The following ZNF91 variants were observed in gnomAD, a reference collection of about 807,000 sequenced individuals.
The protein encoded by ZNF91 is zinc finger protein 91.
Under a neutral mutation model 12.6 loss-of-function variants are expected in ZNF91, and 7 were observed. That is an observed-to-expected ratio of 0.55 (90% CI 0.31 to 1.04). ZNF91 has a LOEUF of 1.04. Ranked by LOEUF, ZNF91 falls within the 50% of genes least tolerant of loss-of-function variation. The pLI is 0.05. For synonymous variants in ZNF91, 453 were observed against 462.6 expected, an observed-to-expected ratio of 0.98 and a Z score of 0.27; for missense variants, 1,217 against 1,385.4, an observed-to-expected ratio of 0.88 and a Z score of 1.93.
chr19:23,361,525 G>A lies in ZNF91; in HGVS notation c.1454C>T (p.Thr485Ile), dbSNP rs2145058237. ...STLTRHKRIH[T>I]GEKPYKCEEC... Reference sequence around the variant, plus strand: ...TTCACATTTGTAGGGCTTCTCTCCAGTGTGTATCCTCTTATGTCTAGTTAG... The same window carrying A: ...TTCACATTTGTAGGGCTTCTCTCCAATGTGTATCCTCTTATGTCTAGTTAG... Residue 485 changes from threonine (T) to isoleucine (I), a missense_variant, in exon 4 of 4, where the codon ACT becomes ATT. Thr to Ile is a moderately conservative substitution (Grantham distance 89). This residue lies in a region of ZNF91 where 726 missense variants were observed against 895.5 expected (regional missense o/e 0.81). Transcript: ENST00000300619. The A allele has an allele frequency of 5.6e-6, 9 of 1,613,800 alleles. No homozygotes were observed. Among genetic ancestry groups the A allele is most frequent in the South Asian group, 1.1e-5 (1 of 91,066 alleles).
At chr19:23,305,548 C>G (rs530789846) in intron 3 of ZNF91, among the ~76,000 whole-genome samples, 22 of 152,326 alleles carry the variant, frequency 1.4e-4, no homozygotes, top group Middle Eastern at 3.4e-3. Context: ...TAACTCAAAT[C>G]AGGTCATTAC....
chr19:23,355,598 T>A (rs1379656836), downstream of ZNF91, among the ~76,000 whole-genome samples: 1 of 151,954 alleles, frequency 6.6e-6, no homozygotes, highest in Non-Finnish European at 1.5e-5. Context: ...CAAAGATAAA[T>A]AGCTGGGACC....
chr19:23,360,806 G>A lies in ZNF91; in HGVS notation c.2173C>T (p.Arg725Ter). Residue 725 changes from arginine to a stop codon, truncating the protein, a stop_gained, in exon 4 of 4, where the codon CGA becomes TGA. Transcript: ENST00000300619. LOFTEE classifies it low-confidence loss of function (END_TRUNC). Reference sequence around the variant, plus strand: ...TTATGTATAGTAAGATTTGAAGATCGATTAAAAGCTTTGCCACATTCTTCA... The same window carrying A: ...TTATGTATAGTAAGATTTGAAGATCAATTAAAAGCTTTGCCACATTCTTCA... Reference protein sequence around the residue: ...KCEECGKAFNRSSNLTIHKFI... With the variant: ...KCEECGKAFN 1.9e-6 allele frequency: 3 copies of A among 1,612,590 alleles called. No individual in the cohort carries two copies. The highest frequency in any genetic ancestry group is 1.1e-5 in the South Asian group (1 of 90,998).
intron 1 of ZNF91, among the ~76,000 whole-genome samples, chr19:23,321,823 T>C (rs1419183054): frequency 2.0e-5 from 3 of 151,836 alleles, no homozygotes; most frequent in African/African-American, 7.3e-5. Flanking sequence ...GTGATGTAAC[T>C]CTCCTCACCC....
chr19:23,369,163 AC>A (rs1014561352), intron 3 of ZNF91, among the ~76,000 whole-genome samples: 1 of 152,094 alleles, frequency 6.6e-6, no homozygotes, highest in African/African-American at 2.4e-5. Flanking sequence ...TACAAAAATT[AC>A]CCAGGTGTGG....
intron 3 of ZNF91, among the ~76,000 whole-genome samples, chr19:23,366,175 G>A (rs903211910): frequency 2.6e-5 from 4 of 152,108 alleles, no homozygotes; most frequent in Admixed American, 1.3e-4. Context: ...CTCCCGGATG[G>A]GGTGGCTGGC....
At chr19:23,324,781 A>G (rs1407623186) in intron 1 of ZNF91, 1 of 152,010 alleles carries the variant, frequency 6.6e-6, no homozygotes, top group East Asian at 1.9e-4. Flanking sequence ...CACGTTGCCT[A>G]GTCTGGTCTG....
At position 23,369,493 on chromosome 19, in the gene ZNF91, C is replaced by T. The variant is rs569722478; in HGVS notation, c.253+4249G>A. On this transcript the variant is annotated intron_variant, in intron 3 of 3. Transcript: ENST00000300619. ...GAGCCCCTCTGCCCGGCCACCACCC[C>T]GTCTGGGAGGTGTAACCAACAGCTC... Among the ~76,000 whole-genome samples the T allele has an allele frequency of 1.5e-4, 23 of 152,144 alleles. No individual in the cohort carries two copies. The East Asian group carries it at 3.3e-3, about 22-fold the overall frequency.
chr19:23,350,826 C>CTTTTTTTTTTTTT (rs1968345618), intron 3 of ZNF91, among the ~76,000 whole-genome samples: 1 of 152,082 alleles, frequency 6.6e-6, no homozygotes, highest in African/African-American at 2.4e-5. Flanking sequence ...GGGACACTTC[C>CTTTTTTTTTTTTT]TTTTTACAGA....
At chr19:23,373,194 C>A (rs1467631021) in intron 3 of ZNF91, among the ~76,000 whole-genome samples, 2 of 151,888 alleles carry the variant, frequency 1.3e-5, no homozygotes, top group African/African-American at 4.8e-5. Flanking sequence ...TTTACAGTCA[C>A]CGATGCAAAA....
intron 3 of ZNF91, chr19:23,307,153 G>T (rs1967409497): frequency 6.6e-6 from 1 of 152,148 alleles, no homozygotes. Context: ...TCAACACAAA[G>T]ATTATGTTAC....
chr19:23,319,823 T>C (rs1255879995), intron 1 of ZNF91, among the ~76,000 whole-genome samples: 2 of 152,180 alleles, frequency 1.3e-5, no homozygotes, highest in East Asian at 3.9e-4. Context: ...GACATATATC[T>C]TGGCCCAGCT....
chr19:23,383,769 A>G (rs761051213), intron 1 of ZNF91, among the ~76,000 whole-genome samples: 85 of 152,138 alleles, frequency 5.6e-4, no homozygotes, highest in Admixed American at 1.4e-3. Flanking sequence ...ACTACTATTC[A>G]ACATAAAATT....
At chr19:23,315,868 G>A (rs143141232) in intron 1 of ZNF91, among the ~76,000 whole-genome samples, 98 of 152,236 alleles carry the variant, frequency 6.4e-4, no homozygotes, top group African/African-American at 2.3e-3. Context: ...CCTAAGTAAT[G>A]TGACTCTTCT....
At chr19:23,357,159 G>A (rs1267923366), downstream of ZNF91, among the ~76,000 whole-genome samples, 7 of 152,134 alleles carry the variant, frequency 4.6e-5, no homozygotes, top group African/African-American at 1.4e-4. Context: ...CCTGAAAGGC[G>A]GAGGTTGCAG....
chr19:23,363,856 T>C (rs1224875024), intron 3 of ZNF91, among the ~76,000 whole-genome samples: 1 of 151,662 alleles, frequency 6.6e-6, no homozygotes, highest in Non-Finnish European at 1.5e-5. Context: ...ATTGTGGAGG[T>C]AAAAATATAA....
In ZNF91 at chr19:23,370,221, TA is replaced by T. The variant is rs749519366; in HGVS notation, c.253+3520del. Among the ~76,000 whole-genome samples, 388 of 150,318 alleles carry T rather than the reference TA, an allele frequency of 2.6e-3. 3 individuals carry two copies. In the Middle Eastern group the frequency reaches 0.035, roughly 14 times the overall value. On this transcript the variant is annotated intron_variant, in intron 3 of 3. Transcript: ENST00000300619. ...GATACAACGGAGTATTATTCAACCT[TA>T]AAAAAAAACACAAAAAACTTGTCAC...
rs949362020 is a variant in ZNF91, at chr19:23,376,394, C to CT, written c.31-1631dup. On this transcript the variant is annotated intron_variant, in intron 1 of 3. Coordinates refer to ENST00000300619, the MANE Select transcript of ZNF91 (RefSeq NM_003430.4). ...CTATCATAAGCTTTTTTTTTTTTCT[C>CT]TTTTTTTTTGAGACGGAGTTTTGCT... Among the ~76,000 whole-genome samples, 44 of 143,792 alleles carry CT rather than the reference C, an allele frequency of 3.1e-4. 1 individual carries two copies. The highest frequency in any genetic ancestry group is 4.0e-4 in the Non-Finnish European group (26 of 65,170). 94.3% of individuals were successfully genotyped at this position (143,792 alleles called of 152,430 possible).
chr19:23,337,665 C>CT (rs1968041374), downstream of ZNF91, among the ~76,000 whole-genome samples: 1 of 151,788 alleles, frequency 6.6e-6, no homozygotes, highest in Non-Finnish European at 1.5e-5. Context: ...ATTGAAATGG[C>CT]TTTAAAATAC....
Sources: gnomAD v4.1 joint callset for allele counts (sites outside exome capture counted in the v4.1 genomes callset) on GRCh38, gnomAD v4.1.1 for gene constraint, gnomAD v4.1.1 regional missense constraint, MANE v1.5 for transcripts, NCBI Gene and HGNC (gene_info 2026-07-23, HGNC 2026-07-21) for gene names.